SORL1: variants seen among roughly 807,000 people sequenced by gnomAD.
SORL1 encodes sortilin related receptor 1.
Under a neutral mutation model 273.7 loss-of-function variants are expected in SORL1, and 127 were observed. The observed-to-expected ratio is 0.46, with a 90% confidence interval of 0.40 to 0.54. The LOEUF (loss-of-function observed/expected upper bound fraction) is 0.54, where lower values mean the gene tolerates loss of function less well. Among genes scored for constraint, SORL1 ranks in the 20% least tolerant of loss-of-function variants. The pLI is 0.00. For missense variants in SORL1, 2,494 were observed against 2,846.1 expected (o/e 0.88, Z 2.81); for synonymous variants, 1,031 against 1,067.4 (o/e 0.97, Z 0.66).
At chr11:121,530,689 G>A (rs538759828) in intron 11 of SORL1, among the ~76,000 whole-genome samples, 2 of 152,016 alleles carry the variant, frequency 1.3e-5, no homozygotes, top group South Asian at 4.2e-4. Flanking sequence ...ACAAATTTGG[G>A]AAATTTTCAG....
At chr11:121,504,751 T>A (rs1861762577) in intron 6 of SORL1, among the ~76,000 whole-genome samples, 1 of 151,990 alleles carries the variant, frequency 6.6e-6, no homozygotes, top group Admixed American at 6.5e-5. Context: ...GTGGAGAGAG[T>A]AGGCATCCTT....
At chr11:121,456,698 A>G (rs1860911490) in intron 1 of SORL1, among the ~76,000 whole-genome samples, 1 of 152,210 alleles carries the variant, frequency 6.6e-6, no homozygotes, top group Non-Finnish European at 1.5e-5. Flanking sequence ...ATCCTTTGGA[A>G]TAAAGCACAA....
chr11:121,517,722 A>C (rs1861976519), intron 8 of SORL1, among the ~76,000 whole-genome samples: 1 of 152,194 alleles, frequency 6.6e-6, no homozygotes, highest in African/African-American at 2.4e-5. Context: ...AGAAACTGGA[A>C]ATAGATTCAC....
At chr11:121,577,764 G>T (rs1166915568) in intron 25 of SORL1, among the ~76,000 whole-genome samples, 4 of 152,216 alleles carry the variant, frequency 2.6e-5, no homozygotes, top group African/African-American at 9.7e-5. Context: ...TGGAGCATCA[G>T]GGGGTTCCCC....
chr11:121,589,473 C>T (rs562681554), intron 29 of SORL1, 83 bp downstream of exon 29: 3 of 1,540,028 alleles, frequency 1.9e-6, no homozygotes, highest in Admixed American at 3.4e-5. Context: ...TCACCGGCAA[C>T]CCCACTGCAG....
chr11:121,560,220 TC>T (rs1378799465), intron 21 of SORL1, among the ~76,000 whole-genome samples: 2 of 152,246 alleles, frequency 1.3e-5, no homozygotes, highest in Non-Finnish European at 2.9e-5. Flanking sequence ...TTTACCAGTG[TC>T]TAGCACTTTG....
At chr11:121,541,766 T>C (rs1862353198) in intron 12 of SORL1, among the ~76,000 whole-genome samples, 2 of 152,210 alleles carry the variant, frequency 1.3e-5, no homozygotes, top group South Asian at 2.1e-4. Flanking sequence ...AAACAAGTGT[T>C]GGGCAGATTT....
At chr11:121,514,407 C>A in intron 8 of SORL1, 86 bp downstream of exon 8, 1 of 1,338,224 alleles carries the variant, frequency 7.5e-7, no homozygotes, top group Non-Finnish European at 1.0e-6. Context: ...TCAACATTAG[C>A]TGCCCATGTG....
chr11:121,514,166 A>C lies in SORL1; in HGVS notation c.1056A>C (p.Ala352=). The change falls in exon 8 of 48, where the codon GCA becomes GCC. Residue 352 remains alanine, a synonymous_variant. Coordinates refer to ENST00000260197, the MANE Select transcript of SORL1 (RefSeq NM_003105.6). ...TRHPINEYYI[A]DASEDQVFVC... ...TGATTCCAAAGGAATATTACATCGC[A>C]GATGCCTCCGAGGACCAGGTGTTTG... 1 of 1,613,112 alleles carries C rather than the reference A, an allele frequency of 6.2e-7. No homozygotes were observed. The highest frequency in any genetic ancestry group is 1.1e-5 in the South Asian group (1 of 90,876).
At chr11:121,505,164 C>T (rs1393763020) in intron 6 of SORL1, among the ~76,000 whole-genome samples, 2 of 152,006 alleles carry the variant, frequency 1.3e-5, no homozygotes, top group Non-Finnish European at 2.9e-5. Context: ...TAAAATTTCT[C>T]TTTGGTTCAG....
intron 45 of SORL1, among the ~76,000 whole-genome samples, chr11:121,622,886 C>T (rs1199673216): frequency 1.3e-5 from 2 of 152,168 alleles, no homozygotes; most frequent in Non-Finnish European, 2.9e-5. Flanking sequence ...GCTGGGTTGG[C>T]CCCAGAGACA....
intron 47 of SORL1, 68 bp from the exon 48 acceptor site, chr11:121,629,428 A>G (rs1863843083): frequency 6.1e-6 from 5 of 815,240 alleles, no homozygotes; most frequent in Non-Finnish European, 1.1e-5. Context: ...GGGTGGGTAG[A>G]GTGGTGGGAT....
chr11:121,589,466 C>A, intron 29 of SORL1, 76 bp downstream of exon 29: 1 of 1,562,096 alleles, frequency 6.4e-7, no homozygotes, highest in Non-Finnish European at 8.8e-7. Context: ...GGGACACTCA[C>A]CGGCAACCCC....
intron 6 of SORL1, among the ~76,000 whole-genome samples, chr11:121,500,611 A>G (rs1409468302): frequency 2.6e-5 from 4 of 152,192 alleles, no homozygotes; most frequent in East Asian, 1.9e-4. Flanking sequence ...TAAAATATCT[A>G]TTATCTGGAC....
chr11:121,605,162 C>G lies in SORL1; in HGVS notation c.4701C>G (p.Phe1567Leu). The change falls in exon 34 of 48, where the codon TTC becomes TTG. Residue 1567 changes from phenylalanine to leucine, a missense_variant. By Grantham distance (22) the Phe-to-Leu change is conservative (BLOSUM62 0). Around this residue, in one of 3 missense-constraint regions of SORL1, gnomAD observed 1,609 missense variants for 1,816.4 expected, o/e 0.89. Transcript: ENST00000260197. ...AGAATCTTCAGTGGACAGCTGACTT[C>G]TCTGGGGATGTGACTTTGACCTGGA... ...KVQNLQWTADFSGDVTLTWMR... is the reference protein window; with the variant it reads ...KVQNLQWTADLSGDVTLTWMR... 6.2e-7 allele frequency: 1 copy of G among 1,613,558 alleles called. No individual in the cohort carries two copies. Among genetic ancestry groups the G allele is most frequent in the Non-Finnish European group, 8.5e-7 (1 of 1,179,496 alleles).
chr11:121,491,582 T>C (rs971553115), intron 5 of SORL1, among the ~76,000 whole-genome samples: 1 of 152,188 alleles, frequency 6.6e-6, no homozygotes, highest in Non-Finnish European at 1.5e-5. Flanking sequence ...TCTCATTTGC[T>C]CAGGCCAAAA....
At position 121,625,255 on chromosome 11, in the gene SORL1, G is replaced by A. The variant is rs2134954444; in HGVS notation, c.6342G>A (p.Leu2114=). 3 of 1,613,480 alleles carry A rather than the reference G, an allele frequency of 1.9e-6. No homozygotes were observed. The East Asian group carries it at 6.7e-5, about 36-fold the overall frequency. ...GNQICGEPAI[L]LYDELGSGAD... The stretch of plus-strand genomic sequence containing the variant: ...AGATCTGTGGGGAGCCTGCCATCCT[G>A]CTGTACGATGAGCTGGGGTCTGGTG... Residue 2114 remains leucine (L), a synonymous_variant, in exon 46 of 48, where the codon CTG becomes CTA. Coordinates refer to ENST00000260197, the MANE Select transcript of SORL1 (RefSeq NM_003105.6).
chr11:121,464,749 G>A (rs769291644), intron 1 of SORL1, among the ~76,000 whole-genome samples: 12 of 152,172 alleles, frequency 7.9e-5, no homozygotes, highest in Non-Finnish European at 1.5e-4. Context: ...TTGGGCCTGC[G>A]GCTGTTTCTC....
rs746529496 is a variant in SORL1, at chr11:121,554,032, C to T, written c.2362C>T (p.Arg788Trp). 3.8e-5 allele frequency: 61 copies of T among 1,614,080 alleles called. No individual in the cohort carries two copies. The highest frequency in any genetic ancestry group is 2.5e-4 in the African/African-American group (19 of 74,924). ...ATEQLPLTGL[R>W]AAVALDFDYE... ...CGAGCAGTTGCCTCTCACCGGGCTA[C>T]GGGCAGCAGTGGCCCTGGACTTTGA... Residue 788 changes from arginine to tryptophan, a missense_variant, in exon 17 of 48, where the codon CGG (arginine) becomes TGG (tryptophan). Transcript: ENST00000260197. The surrounding 1 kb of genome is among the most constrained non-coding windows in gnomAD (Gnocchi z 4.6).
Sources: gnomAD v4.1 joint callset for allele counts (sites outside exome capture counted in the v4.1 genomes callset) on GRCh38, gnomAD v4.1.1 for gene constraint, gnomAD v4.1.1 regional missense constraint, Gnocchi (gnomAD v3.1) non-coding constraint, MANE v1.5 for transcripts, NCBI Gene and HGNC (gene_info 2026-07-23, HGNC 2026-07-21) for gene names.